RTN1: variants seen among roughly 807,000 people sequenced by gnomAD.
RTN1 encodes reticulon-1.
A neutral mutation model predicts 65.5 loss-of-function variants in RTN1; 25 were observed. The observed-to-expected ratio is 0.38, with a 90% CI of 0.28 to 0.53. The LOEUF (loss-of-function observed/expected upper bound fraction) is 0.53, where lower values mean the gene tolerates loss of function less well. Ranked by LOEUF, RTN1 falls within the 20% of genes least tolerant of loss-of-function variation. The pLI is 0.79. For missense variants in RTN1, 983 were observed against 1,025.4 expected (o/e 0.96, Z 0.57); for synonymous variants, 471 against 447.6 (o/e 1.05, Z -0.66).
chr14:59,734,403 G>A (rs1206900430), intron 2 of RTN1, among the ~76,000 whole-genome samples: 1 of 152,192 alleles, frequency 6.6e-6, no homozygotes, highest in African/African-American at 2.4e-5. Context: ...AATGACAGAA[G>A]TAGGCTTCAG....
At chr14:59,639,879 C>T (rs1260535379) in intron 3 of RTN1, among the ~76,000 whole-genome samples, 2 of 152,158 alleles carry the variant, frequency 1.3e-5, no homozygotes, top group East Asian at 3.9e-4. Flanking sequence ...CCTCACATGG[C>T]TTCTATGTGA....
chr14:59,597,330 G>A (rs141949577), intron 8 of RTN1, among the ~76,000 whole-genome samples: 58 of 152,304 alleles, frequency 3.8e-4, no homozygotes, highest in South Asian at 2.5e-3. Context: ...TGTGGCATCC[G>A]GCAAGCTAAG....
rs978796070 is a variant in RTN1 at position 59,749,308 on chromosome 14, C to A, written c.242-2827G>T. On this transcript the variant is annotated intron_variant, in intron 1 of 8. Coordinates refer to ENST00000267484, the MANE Select transcript of RTN1 (RefSeq NM_021136.3). ...TATATCTATATATATCTATATATATCTATATATATATCTATATATCTATAT... is the reference window on the plus strand; with the variant it reads ...TATATCTATATATATCTATATATATATATATATATATCTATATATCTATAT... Among the ~76,000 whole-genome samples the A allele has an allele frequency of 1.5e-3, 22 of 14,854 alleles. 1 individual carries two copies. Among genetic ancestry groups the A allele is most frequent in the African/African-American group, 3.0e-3 (9 of 2,962 alleles). The allele number at this position is 14,854 out of a possible 152,430, so 9.7% of individuals were successfully genotyped here.
intron 2 of RTN1, among the ~76,000 whole-genome samples, chr14:59,736,588 A>G (rs1242157105): frequency 6.6e-6 from 1 of 152,216 alleles, no homozygotes; most frequent in African/African-American, 2.4e-5. Context: ...GCTGAATTCT[A>G]CCAGAGGTAT....
chr14:59,652,963 A>G (rs1594655212), intron 3 of RTN1, among the ~76,000 whole-genome samples: 1 of 152,110 alleles, frequency 6.6e-6, no homozygotes, highest in Non-Finnish European at 1.5e-5. Flanking sequence ...GTATAATAGG[A>G]GTTCCAGAAA....
At chr14:59,793,625 A>C (rs1886387794) in intron 1 of RTN1, among the ~76,000 whole-genome samples, 1 of 144,724 alleles carries the variant, frequency 6.9e-6, no homozygotes, top group South Asian at 2.3e-4. Context: ...CTTGTCAATT[A>C]CAGGCACACA....
intron 1 of RTN1, among the ~76,000 whole-genome samples, chr14:59,841,625 T>G (rs566070125): frequency 6.6e-6 from 1 of 151,416 alleles, no homozygotes; most frequent in African/African-American, 2.4e-5. Context: ...GAGAATCACT[T>G]GAACCCAGGA....
chr14:59,767,985 T>C (rs1023868057), intron 1 of RTN1, among the ~76,000 whole-genome samples: 2 of 152,220 alleles, frequency 1.3e-5, no homozygotes, highest in Non-Finnish European at 2.9e-5. Context: ...AGTCACACTA[T>C]CTGTCAGTGA....
intron 3 of RTN1, among the ~76,000 whole-genome samples, chr14:59,702,213 C>G (rs936232451): frequency 3.9e-5 from 6 of 152,066 alleles, no homozygotes; most frequent in African/African-American, 1.4e-4. Context: ...AATTGCCTTC[C>G]CAGAGTGCTG....
chr14:59,781,908 T>C (rs753810490), intron 1 of RTN1, among the ~76,000 whole-genome samples: 4 of 152,210 alleles, frequency 2.6e-5, no homozygotes, highest in Non-Finnish European at 5.9e-5. Flanking sequence ...GATATGATCC[T>C]GTGACCTGTA....
chr14:59,851,171 A>G (rs1236059399), intron 1 of RTN1, among the ~76,000 whole-genome samples: 1 of 152,386 alleles, frequency 6.6e-6, no homozygotes, highest in East Asian at 1.9e-4. Flanking sequence ...ATCATTCAAT[A>G]TCTTTCAATA....
chr14:59,740,948 G>A (rs1885103794), intron 2 of RTN1, among the ~76,000 whole-genome samples: 2 of 152,160 alleles, frequency 1.3e-5, no homozygotes, highest in Admixed American at 1.3e-4. Context: ...GCACCCCAGG[G>A]TGATGTGTTT....
At position 59,803,805 on chromosome 14, in the gene RTN1, T is replaced by C. The variant is rs1417835519; in HGVS notation, c.242-57324A>G. Among the ~76,000 whole-genome samples, 1 of 152,222 alleles carries C rather than the reference T, an allele frequency of 6.6e-6. No individual in the cohort carries two copies. The highest frequency in any genetic ancestry group is 1.5e-5 in the Non-Finnish European group (1 of 68,040). ...AGGTAGGTGGTTTAGGCCTCTCAAC[T>C]TGAAGATTCAGAAACCTGAGGCCAC... On this transcript the variant is annotated intron_variant, in intron 1 of 8. Coordinates refer to ENST00000267484, the MANE Select transcript of RTN1 (RefSeq NM_021136.3). This position sits in a 1 kb window ranked among gnomAD's most constrained non-coding sequence, Gnocchi z 5.6.
At chr14:59,749,121 TATAG>T (rs201945891) in intron 1 of RTN1, among the ~76,000 whole-genome samples, 6 of 49,696 alleles carry the variant, frequency 1.2e-4, no homozygotes, top group East Asian at 5.1e-4. Flanking sequence ...TATATATATA[TATAG>T]ATATATCTAT....
intron 2 of RTN1, among the ~76,000 whole-genome samples, chr14:59,740,426 T>A (rs1245501034): frequency 6.6e-6 from 1 of 152,240 alleles, no homozygotes; most frequent in Non-Finnish European, 1.5e-5. Context: ...CAGTTACATT[T>A]GACTCTCAGC....
At chr14:59,847,277 G>T (rs1348578063) in intron 1 of RTN1, among the ~76,000 whole-genome samples, 1 of 152,028 alleles carries the variant, frequency 6.6e-6, no homozygotes, top group Non-Finnish European at 1.5e-5. Context: ...ATAGTATCTG[G>T]CAGGTAAGTG....
intron 3 of RTN1, among the ~76,000 whole-genome samples, chr14:59,668,103 C>T (rs1883419700): frequency 1.3e-5 from 2 of 152,188 alleles, no homozygotes; most frequent in African/African-American, 4.8e-5. Flanking sequence ...GAAAAAACTA[C>T]TTTAAAGTTC....
intron 1 of RTN1, among the ~76,000 whole-genome samples, chr14:59,761,031 C>T (rs113681118): frequency 1.3e-5 from 2 of 152,124 alleles, no homozygotes; most frequent in African/African-American, 4.8e-5. Flanking sequence ...TTTTTATAGC[C>T]GCTGCCCACA....
intron 3 of RTN1, among the ~76,000 whole-genome samples, chr14:59,687,668 C>T (rs1427477729): frequency 6.6e-6 from 1 of 151,394 alleles, no homozygotes; most frequent in Admixed American, 6.6e-5. Context: ...AGGTTCCTTC[C>T]ACTTCACATC....
Sources: gnomAD v4.1 joint callset for allele counts (sites outside exome capture counted in the v4.1 genomes callset) on GRCh38, gnomAD v4.1.1 for gene constraint, Gnocchi (gnomAD v3.1) non-coding constraint, MANE v1.5 for transcripts, NCBI Gene and HGNC (gene_info 2026-07-23, HGNC 2026-07-21) for gene names.